IRF8: variants seen among roughly 807,000 people sequenced by gnomAD.
IRF8 encodes the protein interferon consensus sequence binding protein 1.
Under a neutral mutation model 48.7 loss-of-function variants are expected in IRF8, and 14 were observed. The observed-to-expected ratio is 0.29, with a 90% confidence interval of 0.19 to 0.45. The LOEUF is 0.45. Ranked by LOEUF, IRF8 falls within the 20% of genes least tolerant of loss-of-function variation. The probability of loss-of-function intolerance (pLI) is 1.00; values close to 1 mark genes in which losing one functional copy is unlikely to be tolerated. For missense variants in IRF8, 493 were observed against 580.7 expected, an observed-to-expected ratio of 0.85 and a Z score of 1.55; for synonymous variants, 278 against 227.3, an observed-to-expected ratio of 1.22 and a Z score of -2.01.
At chr16:85,921,003 C>T (rs532183199) in intron 8 of IRF8, 103 bp from the exon 9 acceptor site, 12 of 1,149,982 alleles carry the variant, frequency 1.0e-5, no homozygotes, top group East Asian at 7.7e-5. Flanking sequence ...TTGGGACTCA[C>T]GTGGCACTGG....
At position 85,903,040 on chromosome 16, in the gene IRF8, C is replaced by A. The variant is rs759579543; in HGVS notation, c.25C>A (p.Arg9=). 6.2e-7 allele frequency: 1 copy of A among 1,614,114 alleles called. No homozygotes were observed. The highest frequency in any genetic ancestry group is 8.5e-7 in the Non-Finnish European group (1 of 1,180,002). MCDRNGGR[R]LRQWLIEQID... Reference sequence around the variant, plus strand: ...GATGTGTGACCGGAATGGTGGTCGGCGGCTTCGACAGTGGCTGATCGAGCA... The same window carrying A: ...GATGTGTGACCGGAATGGTGGTCGGAGGCTTCGACAGTGGCTGATCGAGCA... The change falls in exon 2 of 9, where the codon CGG becomes AGG. Residue 9 remains arginine, a synonymous_variant. Transcript: ENST00000268638.
Position 85,911,538 on chromosome 16 carries a change from A to G in IRF8, c.359-32A>G. On this transcript the variant is annotated intron_variant, in intron 3 of 8. Transcript: ENST00000268638. ...GCAAAGGCTGTGATGCCTCCGTGCCATGTGTCATGGTGTTTGTCTGGTTTT... is the reference window on the plus strand; with the variant it reads ...GCAAAGGCTGTGATGCCTCCGTGCCGTGTGTCATGGTGTTTGTCTGGTTTT... The G allele has an allele frequency of 1.3e-6, 2 of 1,580,294 alleles. 1 individual carries two copies. The highest frequency in any genetic ancestry group is 2.2e-5 in the South Asian group (2 of 90,258).
At chr16:85,919,357 C>T (rs948283208) in intron 7 of IRF8, among the ~76,000 whole-genome samples, 25 of 152,126 alleles carry the variant, frequency 1.6e-4, no homozygotes, top group African/African-American at 2.7e-4. Context: ...GTTAGGATGG[C>T]GTCTCCCTTC....
At chr16:85,902,301 T>C (rs999183383) in intron 1 of IRF8, among the ~76,000 whole-genome samples, 5 of 152,228 alleles carry the variant, frequency 3.3e-5, no homozygotes, top group Admixed American at 2.6e-4. Flanking sequence ...TCTCAGTTGC[T>C]TTCCGTGTAG....
chr16:85,901,632 T>A (rs547979827), intron 1 of IRF8, among the ~76,000 whole-genome samples: 2 of 151,944 alleles, frequency 1.3e-5, no homozygotes, highest in Non-Finnish European at 2.9e-5. Flanking sequence ...GAAAAAAAAA[T>A]TGAACTCATC....
At position 85,909,104 on chromosome 16, in the gene IRF8, G is replaced by A. The variant is rs34712374; in HGVS notation, c.289G>A (p.Asp97Asn). ...GAGCCCAGATTTTGAGGAAGTGACG[G>A]ACCGGTCCCAACTGGACATTTCCGA... is the stretch of plus-strand genomic sequence containing the variant. ...NKSPDFEEVT[D>N]RSQLDISEPY... Residue 97 changes from aspartate to asparagine, a missense_variant, in exon 3 of 9, where the codon GAC becomes AAC. Coordinates refer to ENST00000268638, the MANE Select transcript of IRF8 (RefSeq NM_002163.4). 5 of 1,614,050 alleles carry A rather than the reference G, an allele frequency of 3.1e-6. No individual in the cohort carries two copies. The highest frequency in any genetic ancestry group is 1.7e-5 in the Admixed American group (1 of 60,010).
intron 2 of IRF8, among the ~76,000 whole-genome samples, chr16:85,905,541 C>T (rs1213917878): frequency 3.3e-5 from 5 of 152,184 alleles, no homozygotes; most frequent in Admixed American, 6.5e-5. Flanking sequence ...GAGGGAGACG[C>T]GGGTGCCCAC....
intron 2 of IRF8, among the ~76,000 whole-genome samples, chr16:85,904,812 C>CT (rs1177860791): frequency 0.093 from 8,107 of 87,554 alleles, 977 homozygotes; most frequent in Non-Finnish European, 0.12. Flanking sequence ...GATTGCAGAT[C>CT]TTTTTTTTTT....
At chr16:85,916,997 A>G (rs1404887127) in intron 6 of IRF8, among the ~76,000 whole-genome samples, 1 of 152,226 alleles carries the variant, frequency 6.6e-6, no homozygotes, top group Admixed American at 6.5e-5. Context: ...GCATGATTCT[A>G]GAACCTGCGT....
chr16:85,913,733 C>G (rs1905214604), intron 5 of IRF8, among the ~76,000 whole-genome samples: 1 of 152,228 alleles, frequency 6.6e-6, no homozygotes, highest in African/African-American at 2.4e-5. Context: ...ATTTGAATCC[C>G]ACGCTGGGAA....
At chr16:85,919,815 G>A (rs1905476066) in intron 7 of IRF8, among the ~76,000 whole-genome samples, 1 of 152,254 alleles carries the variant, frequency 6.6e-6, no homozygotes. Context: ...TTGCCTCCAA[G>A]GGCCAGGCAG....
rs1905234241 is a variant in IRF8 at position 85,914,406 on chromosome 16, G to C, written c.554-67G>C. 5 of 1,591,146 alleles carry C rather than the reference G, an allele frequency of 3.1e-6. No homozygotes were observed. In the East Asian group the frequency reaches 8.9e-5, roughly 28 times the overall value. On this transcript the variant is annotated intron_variant, in intron 5 of 8. Transcript: ENST00000268638. Reference sequence around the variant, plus strand: ...TTTAAGGGACTTTTGGAGAAGGAGCGATTGGGGTTACTCCCTGTACACCAC... The same window carrying C: ...TTTAAGGGACTTTTGGAGAAGGAGCCATTGGGGTTACTCCCTGTACACCAC...
rs567414034 is a variant in IRF8, at chr16:85,919,965, C to A, written c.989-144C>A. The A allele has an allele frequency of 1.0e-4, 74 of 715,656 alleles. No homozygotes were observed. In the South Asian group the frequency reaches 1.1e-3, roughly 11 times the overall value. The allele number at this position is 715,656 out of a possible 1,614,324, so 44.3% of individuals were successfully genotyped here. On this transcript the variant is annotated intron_variant, in intron 7 of 8. Coordinates refer to ENST00000268638, the MANE Select transcript of IRF8 (RefSeq NM_002163.4). ...ACAGCTCCTTGCTTGGAATTTGGCC[C>A]AAGGGCCACCAGTTTGAGATCCCAT...
intron 2 of IRF8, among the ~76,000 whole-genome samples, chr16:85,906,278 C>T (rs1006676932): frequency 3.3e-5 from 5 of 152,228 alleles, no homozygotes; most frequent in East Asian, 1.9e-4. Context: ...CTGAGTTGTG[C>T]GTCAACAGGA....
intron 2 of IRF8, among the ~76,000 whole-genome samples, chr16:85,904,019 C>T (rs1025263686): frequency 6.6e-6 from 1 of 152,172 alleles, no homozygotes; most frequent in East Asian, 1.9e-4. Context: ...TTAGGGCAGC[C>T]CAGCTCTGCA....
chr16:85,921,329 C>G lies in IRF8; in HGVS notation c.*47C>G. 4 of 1,587,028 alleles carry G rather than the reference C, an allele frequency of 2.5e-6. No homozygotes were observed. Among genetic ancestry groups the G allele is most frequent in the Non-Finnish European group, 3.4e-6 (4 of 1,160,666 alleles). Reference sequence around the variant, plus strand: ...CCCCGTCTGCGTCCTGCATCCATCTCCCTGTTACAGTGGCCCGCATCATGA... The same window carrying G: ...CCCCGTCTGCGTCCTGCATCCATCTGCCTGTTACAGTGGCCCGCATCATGA... On this transcript the variant is annotated 3_prime_UTR_variant, in exon 9 of 9. Transcript: ENST00000268638.
intron 1 of IRF8, among the ~76,000 whole-genome samples, chr16:85,902,012 T>C (rs1904840949): frequency 6.6e-6 from 1 of 151,842 alleles, no homozygotes; most frequent in Admixed American, 6.6e-5. Flanking sequence ...TCTAAGTCGA[T>C]AGGTCATGCT....
At chr16:85,910,061 C>T (rs549530194) in intron 3 of IRF8, among the ~76,000 whole-genome samples, 14 of 152,302 alleles carry the variant, frequency 9.2e-5, no homozygotes, top group African/African-American at 3.1e-4. Context: ...GCACTCTTCC[C>T]GCTGTGGGGG....
intron 2 of IRF8, 106 bp downstream of exon 2, chr16:85,903,295 C>G (rs780779558): frequency 1.2e-4 from 137 of 1,153,984 alleles, no homozygotes; most frequent in Non-Finnish European, 1.6e-4. Context: ...AAAAATTAAT[C>G]CAGTTTTTTA....
Sources: gnomAD v4.1 joint callset for allele counts (sites outside exome capture counted in the v4.1 genomes callset) on GRCh38, gnomAD v4.1.1 for gene constraint, MANE v1.5 for transcripts, NCBI Gene and HGNC (gene_info 2026-07-23, HGNC 2026-07-21) for gene names.